The following DLGAP1 variants were observed in gnomAD, a reference collection of about 807,000 sequenced individuals.
The protein encoded by DLGAP1 is DLG associated protein 1.
Under a neutral mutation model 90.8 loss-of-function variants are expected in DLGAP1, and 11 were observed. The ratio of observed to expected loss-of-function variants is 0.12; its 90% CI spans 0.08 to 0.20. The LOEUF is 0.20. DLGAP1 is among the 10% of genes least tolerant of loss of function. The pLI is 1.00. For synonymous variants in DLGAP1, 558 were observed against 540.7 expected (o/e 1.03, Z -0.44); for missense variants, 1,050 against 1,333.8 (o/e 0.79, Z 3.31).
At chr18:4,206,332 T>C (rs2077719416) in intron 1 of DLGAP1, among the ~76,000 whole-genome samples, 1 of 151,636 alleles carries the variant, frequency 6.6e-6, no homozygotes, top group Admixed American at 6.6e-5. Context: ...GAAAGGAGAG[T>C]TGAGGTTGAA....
intron 10 of DLGAP1, among the ~76,000 whole-genome samples, chr18:3,522,872 A>G (rs890176940): frequency 6.6e-6 from 1 of 152,144 alleles, no homozygotes; most frequent in African/African-American, 2.4e-5. Flanking sequence ...CAAGGGCACC[A>G]AGAGGATACA....
intron 2 of DLGAP1, among the ~76,000 whole-genome samples, chr18:4,039,390 TGTCCAG>T (rs2074942350): frequency 6.6e-6 from 1 of 152,282 alleles, no homozygotes; most frequent in South Asian, 2.1e-4. Context: ...CTTCAGAAGA[TGTCCAG>T]GATGGATGCT....
At chr18:4,037,659 T>C (rs2074910731) in intron 2 of DLGAP1, among the ~76,000 whole-genome samples, 1 of 152,102 alleles carries the variant, frequency 6.6e-6, no homozygotes, top group African/African-American at 2.4e-5. Context: ...TCAGGGAACA[T>C]AGATTAAATT....
chr18:4,064,222 C>T (rs574879648), intron 2 of DLGAP1, among the ~76,000 whole-genome samples: 2 of 151,960 alleles, frequency 1.3e-5, no homozygotes, highest in East Asian at 3.9e-4. Context: ...ATCTTTTACA[C>T]CCTCCAATCA....
chr18:4,292,452 A>G (rs1230232931), intron 1 of DLGAP1, among the ~76,000 whole-genome samples: 2 of 152,020 alleles, frequency 1.3e-5, no homozygotes, highest in Non-Finnish European at 2.9e-5. Flanking sequence ...CAAATTTTTT[A>G]TGTAGTAAAA....
chr18:3,720,895 A>AAAAAAAAAAAAAAAAAG (rs2061953800), intron 7 of DLGAP1, among the ~76,000 whole-genome samples: 2 of 140,406 alleles, frequency 1.4e-5, no homozygotes, highest in African/African-American at 5.7e-5. Flanking sequence ...CTACAAAAAA[A>AAAAAAAAAAAAAAAAAG]AAAAAAAAAA....
intron 7 of DLGAP1, among the ~76,000 whole-genome samples, chr18:3,717,540 G>C (rs1436864644): frequency 6.6e-6 from 1 of 152,144 alleles, no homozygotes; most frequent in African/African-American, 2.4e-5. Context: ...CAAGTAAGAA[G>C]TTATTGAAAC....
At chr18:4,193,746 A>G (rs1177217979) in intron 1 of DLGAP1, among the ~76,000 whole-genome samples, 1 of 152,192 alleles carries the variant, frequency 6.6e-6, no homozygotes, top group African/African-American at 2.4e-5. Context: ...AAATCCAGAG[A>G]AAGCTAAAAG....
chr18:3,585,689 A>T (rs1032554553), intron 7 of DLGAP1, among the ~76,000 whole-genome samples: 4 of 152,194 alleles, frequency 2.6e-5, no homozygotes, highest in African/African-American at 9.6e-5. Context: ...CACACCTGTC[A>T]TCCCAGCGTT....
chr18:4,353,339 G>A (rs976680082), intron 1 of DLGAP1, among the ~76,000 whole-genome samples: 1 of 152,140 alleles, frequency 6.6e-6, no homozygotes, highest in African/African-American at 2.4e-5. Flanking sequence ...ACCCCAAGCT[G>A]ACATGTTTCA....
At chr18:4,327,782 C>A (rs1326229892) in intron 1 of DLGAP1, among the ~76,000 whole-genome samples, 4 of 151,966 alleles carry the variant, frequency 2.6e-5, no homozygotes, top group African/African-American at 9.7e-5. Flanking sequence ...GTTCTGCTTT[C>A]TGTCACTACA....
intron 6 of DLGAP1, among the ~76,000 whole-genome samples, chr18:3,732,941 C>T (rs1464968062): frequency 5.9e-5 from 9 of 152,182 alleles, no homozygotes; most frequent in African/African-American, 1.7e-4. Flanking sequence ...GATATAAATA[C>T]TATAGGGTTC....
rs1256943066 is a variant in DLGAP1 at position 4,162,806 on chromosome 18, A to G, written c.-266-11519T>C. ...AACAGCCACCCTAAAGCTATTCAAT[A>G]ATGGAAAACAGAAAGCTGTGCAATT... On this transcript the variant is annotated intron_variant, in intron 1 of 12. Transcript: ENST00000315677. Among the ~76,000 whole-genome samples the G allele has an allele frequency of 2.6e-5, 4 of 152,198 alleles. No individual in the cohort carries two copies. The East Asian group carries it at 7.7e-4, about 29-fold the overall frequency.
intron 1 of DLGAP1, among the ~76,000 whole-genome samples, chr18:4,160,925 A>G (rs2076833689): frequency 6.6e-6 from 1 of 152,112 alleles, no homozygotes; most frequent in Non-Finnish European, 1.5e-5. Flanking sequence ...TACGTTACTT[A>G]GCCAATGAGA....
At chr18:4,254,274 T>G (rs1168715661) in intron 1 of DLGAP1, among the ~76,000 whole-genome samples, 1 of 152,182 alleles carries the variant, frequency 6.6e-6, no homozygotes, top group Admixed American at 6.5e-5. Context: ...ATGATCCTAA[T>G]TTTTAACAAT....
In DLGAP1 at chr18:4,195,055, T is replaced by A. The variant is rs148269998; in HGVS notation, c.-266-43768A>T. ...TCCTGTCTACCTGAAACTTTGTAAC[T>A]TACAAATATCATTTGAAGAAAAAAA... On this transcript the variant is annotated intron_variant, in intron 1 of 12. Transcript: ENST00000315677. 4.6e-3 allele frequency among the ~76,000 whole-genome samples: 706 copies of A among 152,320 alleles called. 5 individuals carry two copies. The highest frequency in any genetic ancestry group is 0.041 in the Middle Eastern group (12 of 294).
chr18:3,735,363 G>A (rs868243882), intron 6 of DLGAP1, among the ~76,000 whole-genome samples: 3 of 152,132 alleles, frequency 2.0e-5, no homozygotes, highest in Non-Finnish European at 4.4e-5. Context: ...GGAACTAGAG[G>A]CGTGTGACAC....
chr18:3,762,851 C>A (rs2064032571), intron 5 of DLGAP1, among the ~76,000 whole-genome samples: 1 of 152,170 alleles, frequency 6.6e-6, no homozygotes, highest in Admixed American at 6.5e-5. Context: ...TAAAGTCAGA[C>A]AAATTGTTAA....
chr18:3,527,597 TTTTG>T (rs1413472335), intron 10 of DLGAP1, among the ~76,000 whole-genome samples: 2 of 152,046 alleles, frequency 1.3e-5, no homozygotes, highest in East Asian at 3.9e-4. Flanking sequence ...GTTTGTTGTT[TTTTG>T]TTTGTTTGAG....
Sources: allele counts gnomAD v4.1 joint callset (sites outside exome capture counted in the v4.1 genomes callset), GRCh38; gene constraint gnomAD v4.1.1; transcripts MANE v1.5; gene names NCBI Gene and HGNC (gene_info 2026-07-23, HGNC 2026-07-21).